The following CRPPA variants were observed in gnomAD, a reference collection of about 807,000 sequenced individuals.
CRPPA encodes the protein D-ribitol-5-phosphate cytidylyltransferase.
A neutral mutation model predicts 52.0 loss-of-function variants in CRPPA; 43 were observed. That is an observed-to-expected ratio of 0.83 (90% CI 0.65 to 1.07). CRPPA has a LOEUF of 1.07. Ranked by LOEUF, CRPPA falls within the 50% of genes least tolerant of loss-of-function variation. The pLI is 0.00. For synonymous variants in CRPPA, 250 were observed against 203.5 expected, an observed-to-expected ratio of 1.23 and a Z score of -1.94; for missense variants, 629 against 551.7, an observed-to-expected ratio of 1.14 and a Z score of -1.40.
At chr7:16,348,090 C>G (rs2128307331) in intron 3 of CRPPA, among the ~76,000 whole-genome samples, 1 of 152,214 alleles carries the variant, frequency 6.6e-6, no homozygotes. Context: ...TAGCTTGTAT[C>G]AAGGAGATAA....
intron 3 of CRPPA, among the ~76,000 whole-genome samples, chr7:16,336,409 G>A (rs185821499): frequency 2.0e-5 from 3 of 152,144 alleles, no homozygotes; most frequent in Admixed American, 2.0e-4. Context: ...AAGGCAAGTT[G>A]TCACCTTAAA....
At chr7:16,164,088 T>A (rs1562533822) in intron 9 of CRPPA, among the ~76,000 whole-genome samples, 1 of 152,206 alleles carries the variant, frequency 6.6e-6, no homozygotes, top group Non-Finnish European at 1.5e-5. Context: ...TCCTGGATAA[T>A]ATCCTGAAAT....
chr7:16,398,052 G>A (rs981518278), intron 2 of CRPPA, among the ~76,000 whole-genome samples: 1 of 152,250 alleles, frequency 6.6e-6, no homozygotes, highest in African/African-American at 2.4e-5. Context: ...TGTCACAGCT[G>A]ATCGAAATGA....
chr7:16,115,837 G>A (rs1458744708), intron 9 of CRPPA, among the ~76,000 whole-genome samples: 1 of 152,060 alleles, frequency 6.6e-6, no homozygotes, highest in Non-Finnish European at 1.5e-5. Flanking sequence ...CATAAAATAA[G>A]ACTAATACTA....
rs148331012 is a variant in CRPPA at position 16,141,843 on chromosome 7, G to A, written c.1252-50044C>T. ...TATTTTCAGAGGCTGGGTGTCAAGC[G>A]CTCCTGTGGTGCTCCTTGGGTCAGA... On this transcript the variant is annotated intron_variant, in intron 9 of 9. Coordinates refer to ENST00000407010, the MANE Select transcript of CRPPA (RefSeq NM_001101426.4). Among the ~76,000 whole-genome samples the A allele has an allele frequency of 1.8e-3, 277 of 152,120 alleles. 2 individuals carry two copies. The highest frequency in any genetic ancestry group is 6.4e-3 in the African/African-American group (266 of 41,514).
chr7:16,182,741 A>C (rs1469206519), intron 9 of CRPPA, among the ~76,000 whole-genome samples: 4 of 152,134 alleles, frequency 2.6e-5, no homozygotes, highest in African/African-American at 9.7e-5. Flanking sequence ...AATTTTAACC[A>C]ATCAGTTAGA....
chr7:16,355,325 C>A (rs188597823), intron 3 of CRPPA, among the ~76,000 whole-genome samples: 1 of 152,150 alleles, frequency 6.6e-6, no homozygotes, highest in African/African-American at 2.4e-5. Context: ...TCTTTAAAAG[C>A]AACTGTTTCT....
intron 2 of CRPPA, among the ~76,000 whole-genome samples, chr7:16,394,424 T>C (rs1222938958): frequency 2.0e-5 from 3 of 152,128 alleles, no homozygotes; most frequent in Non-Finnish European, 4.4e-5. Flanking sequence ...CAGGAAAAGA[T>C]GTTATACAAC....
At chr7:16,382,585 G>T (rs1207496147) in intron 2 of CRPPA, among the ~76,000 whole-genome samples, 3 of 151,988 alleles carry the variant, frequency 2.0e-5, no homozygotes, top group South Asian at 2.1e-4. Context: ...CCTGCAGAGT[G>T]TTTTCCAACT....
rs1004924047 is a variant in CRPPA at position 16,216,173 on chromosome 7, C to T, written c.1144G>A (p.Val382Ile). 3 of 1,581,840 alleles carry T rather than the reference C, an allele frequency of 1.9e-6. No homozygotes were observed. The highest frequency in any genetic ancestry group is 2.7e-5 in the African/African-American group (2 of 73,724). ...VSVHFLDFKLVPPSQKMENLM... is the reference protein window; with the variant it reads ...VSVHFLDFKLIPPSQKMENLM... ...TTTTCCATTTTCTGACTGGGAGGTA[C>T]TAATTTAAAATCAAGAAAATGAACC... The change falls in exon 9 of 10, where the codon GTA becomes ATA. Residue 382 changes from valine to isoleucine, a missense_variant. Physicochemically the swap from Val to Ile is conservative, Grantham distance 29 (BLOSUM62 3). Coordinates refer to ENST00000407010, the MANE Select transcript of CRPPA (RefSeq NM_001101426.4).
chr7:16,250,182 T>C (rs1783406578), intron 8 of CRPPA, among the ~76,000 whole-genome samples: 2 of 150,650 alleles, frequency 1.3e-5, no homozygotes, highest in African/African-American at 4.9e-5. Flanking sequence ...GAAAACAGAG[T>C]GAAAAGAAAT....
intron 9 of CRPPA, among the ~76,000 whole-genome samples, chr7:16,168,572 CACACA>C (rs1781115225): frequency 6.8e-6 from 1 of 146,536 alleles, no homozygotes. Flanking sequence ...CACACACACA[CACACA>C]CCATTAACAT....
intron 9 of CRPPA, among the ~76,000 whole-genome samples, chr7:16,157,731 G>A (rs749108171): frequency 1.3e-5 from 2 of 152,012 alleles, no homozygotes; most frequent in African/African-American, 2.4e-5. Context: ...TAGCACGAAG[G>A]TCTACCTTAA....
intron 3 of CRPPA, among the ~76,000 whole-genome samples, chr7:16,321,159 T>C (rs370261577): frequency 6.6e-6 from 1 of 152,130 alleles, no homozygotes; most frequent in African/African-American, 2.4e-5. Flanking sequence ...TAGATAATTC[T>C]TTTTCAGAGT....
intron 9 of CRPPA, among the ~76,000 whole-genome samples, chr7:16,161,967 T>A (rs1780904213): frequency 6.6e-6 from 1 of 152,226 alleles, no homozygotes; most frequent in African/African-American, 2.4e-5. Context: ...TTCTAGTTTA[T>A]TTGCATAGAG....
rs1245040939 is a variant in CRPPA at position 16,091,681 on chromosome 7, A to AT, written c.*13dup. ...AAATAGATGTTTTAGAAAATAGGTA[A>AT]TTTTTTGTGTTCTTCATGCTATCAG... On this transcript the variant is annotated 3_prime_UTR_variant, in exon 10 of 10. Transcript: ENST00000407010. The AT allele has an allele frequency of 3.4e-6, 5 of 1,449,904 alleles. No individual in the cohort carries two copies. The highest frequency in any genetic ancestry group is 4.7e-6 in the Non-Finnish European group (5 of 1,058,964). 89.8% of individuals were successfully genotyped at this position (1,449,904 alleles called of 1,614,324 possible).
At chr7:16,386,348 G>C (rs1030199719) in intron 2 of CRPPA, among the ~76,000 whole-genome samples, 10 of 152,098 alleles carry the variant, frequency 6.6e-5, no homozygotes, top group African/African-American at 2.4e-4. Context: ...TGGGGTTTGG[G>C]GCTTATGTAG....
intron 5 of CRPPA, among the ~76,000 whole-genome samples, chr7:16,286,058 T>TAGAATATTTAAAAAAAAAAAA (rs1562608478): frequency 6.4e-5 from 2 of 31,012 alleles, no homozygotes; most frequent in Non-Finnish European, 1.1e-4. Flanking sequence ...TATATATATA[T>TAGAATATTTAAAAAAAAAAAA]ATATATATAT....
At chr7:16,321,831 T>A (rs1785272514) in intron 3 of CRPPA, among the ~76,000 whole-genome samples, 1 of 152,148 alleles carries the variant, frequency 6.6e-6, no homozygotes, top group African/African-American at 2.4e-5. Flanking sequence ...GGAACGTCTA[T>A]CCTTTTCCGA....
Sources: allele counts gnomAD v4.1 joint callset (sites outside exome capture counted in the v4.1 genomes callset), GRCh38; gene constraint gnomAD v4.1.1; transcripts MANE v1.5; gene names NCBI Gene and HGNC (gene_info 2026-07-23, HGNC 2026-07-21).